KMT2E: variants seen among roughly 807,000 people sequenced by gnomAD.
The protein encoded by KMT2E is histone reader KMT2E.
A neutral mutation model predicts 184.6 loss-of-function variants in KMT2E; 30 were observed. That is an observed-to-expected ratio of 0.16 (90% CI 0.12 to 0.22). The LOEUF (loss-of-function observed/expected upper bound fraction) is 0.22. Ranked by LOEUF, KMT2E falls within the 10% of genes least tolerant of loss-of-function variation. The pLI, the probability that KMT2E is intolerant of heterozygous loss-of-function variation, is 1.00. For missense variants in KMT2E, 2,023 were observed against 2,237.4 expected (o/e 0.90, Z 1.93); for synonymous variants, 815 against 776.5 (o/e 1.05, Z -0.82).
At chr7:105,071,740 G>A (rs1797328725) in intron 6 of KMT2E, among the ~76,000 whole-genome samples, 1 of 148,308 alleles carries the variant, frequency 6.7e-6, no homozygotes, top group African/African-American at 2.5e-5. Flanking sequence ...TACAGGCGTG[G>A]GCCACCACGC....
At chr7:105,051,356 T>A (rs2129566137) in intron 3 of KMT2E, among the ~76,000 whole-genome samples, 1 of 152,102 alleles carries the variant, frequency 6.6e-6, no homozygotes, top group East Asian at 1.9e-4. Flanking sequence ...CAGCTAATTT[T>A]GTATGTTTAC....
chr7:105,024,238 C>G (rs192558990), intron 1 of KMT2E, among the ~76,000 whole-genome samples: 103 of 152,230 alleles, frequency 6.8e-4, no homozygotes, highest in Non-Finnish European at 7.8e-4. Context: ...GGATACTTAG[C>G]ATTTGGTAGG....
At position 105,076,087 on chromosome 7, in the gene KMT2E, T is replaced by A; in HGVS notation, c.768+6T>A. The A allele has an allele frequency of 6.3e-7, 1 of 1,582,736 alleles. No homozygotes were observed. Among genetic ancestry groups the A allele is most frequent in the South Asian group, 1.1e-5 (1 of 90,164 alleles). ...GGAAGTCATCAAGAGTTAAGGTAAATACATTAATTTTAAGGTGTTGTTATC... is the reference window on the plus strand; with the variant it reads ...GGAAGTCATCAAGAGTTAAGGTAAAAACATTAATTTTAAGGTGTTGTTATC... On this transcript the variant is annotated splice_donor_region_variant and intron_variant, in intron 9 of 26. Transcript: ENST00000311117.
chr7:105,112,807 C>CT lies in KMT2E; in HGVS notation c.5052dup (p.Gly1685TrpfsTer184). The CT allele has an allele frequency of 6.5e-7, 1 of 1,546,334 alleles. No individual in the cohort carries two copies. The highest frequency in any genetic ancestry group is 8.8e-7 in the Non-Finnish European group (1 of 1,135,486). ...CACTTACCCCCACCCCCACCCCCTC[C>CT]TGGTCCTGCCCCTCATCACCATCCA... On this transcript the variant is annotated frameshift_variant, in exon 27 of 27. Coordinates refer to ENST00000311117, the MANE Select transcript of KMT2E (RefSeq NM_182931.3). LOFTEE classifies it high-confidence loss of function.
At chr7:105,066,665 C>G in intron 5 of KMT2E, 62 bp from the exon 6 acceptor site, 2 of 1,300,026 alleles carry the variant, frequency 1.5e-6, no homozygotes, top group Non-Finnish European at 2.2e-6. Context: ...AATGGAATAT[C>G]AAATCTTAAT....
chr7:105,050,186 A>G (rs1035324032), intron 3 of KMT2E, among the ~76,000 whole-genome samples: 4 of 152,194 alleles, frequency 2.6e-5, no homozygotes, highest in African/African-American at 7.2e-5. Context: ...CAACACTACT[A>G]TAACCTCCTG....
At chr7:105,097,419 T>A (rs1798455091) in intron 15 of KMT2E, among the ~76,000 whole-genome samples, 1 of 152,124 alleles carries the variant, frequency 6.6e-6, no homozygotes, top group Admixed American at 6.6e-5. Context: ...GGAGTCACAC[T>A]CCGTTGCCAG....
In KMT2E at chr7:105,106,048, G is replaced by GCATA. The variant is rs751678525; in HGVS notation, c.2596+52_2596+55dup. 1.7e-5 allele frequency: 26 copies of GCATA among 1,558,390 alleles called. No individual in the cohort carries two copies. In the East Asian group the frequency reaches 4.7e-4, roughly 28 times the overall value. Reference sequence around the variant, plus strand: ...GTTTTGGTTTGAGAAATGTGGCAGGGCATACATACAGCTTTATAACAGGCA... The same window carrying GCATA: ...GTTTTGGTTTGAGAAATGTGGCAGGGCATACATACATACAGCTTTATAACAGGCA... On this transcript the variant is annotated intron_variant, in intron 19 of 26. Transcript: ENST00000311117.
chr7:105,064,963 A>G (rs1302295838), intron 5 of KMT2E, among the ~76,000 whole-genome samples: 1 of 152,162 alleles, frequency 6.6e-6, no homozygotes, highest in Non-Finnish European at 1.5e-5. Flanking sequence ...GATGGTCTAT[A>G]TATAAGATAC....
intron 3 of KMT2E, among the ~76,000 whole-genome samples, chr7:105,052,676 A>T (rs1584732194): frequency 6.6e-6 from 1 of 152,250 alleles, no homozygotes; most frequent in East Asian, 1.9e-4. Flanking sequence ...CTCCTGCCTC[A>T]GCCTCCCAAG....
chr7:105,085,152 G>T (rs192581028), intron 13 of KMT2E, among the ~76,000 whole-genome samples: 2 of 134,194 alleles, frequency 1.5e-5, no homozygotes, highest in East Asian at 5.9e-4. Context: ...AAAAATCCAT[G>T]TATAACTATA....
intron 12 of KMT2E, 124 bp downstream of exon 12, chr7:105,079,087 G>A: frequency 1.9e-6 from 1 of 531,750 alleles, no homozygotes; most frequent in Non-Finnish European, 3.4e-6. Context: ...ATTTTATACT[G>A]CCCAGCCTGT....
chr7:105,084,569 G>C (rs942057670), intron 13 of KMT2E, among the ~76,000 whole-genome samples: 2 of 151,908 alleles, frequency 1.3e-5, no homozygotes, highest in African/African-American at 2.4e-5. Context: ...GGAGGTTGCA[G>C]TGAGCCAAGA....
chr7:105,031,426 T>G (rs1240811963), intron 1 of KMT2E, among the ~76,000 whole-genome samples: 1 of 151,436 alleles, frequency 6.6e-6, no homozygotes, highest in African/African-American at 2.4e-5. Flanking sequence ...AACTTCATTT[T>G]AATCAAAAAC....
At chr7:105,070,844 CCTTTATAATTATATA>C (rs1797254836) in intron 6 of KMT2E, among the ~76,000 whole-genome samples, 1 of 151,404 alleles carries the variant, frequency 6.6e-6, no homozygotes, top group Non-Finnish European at 1.5e-5. Flanking sequence ...ATTTTATTTA[CCTTTATAATTATATA>C]CTTTATAATT....
At position 105,113,036 on chromosome 7, in the gene KMT2E, G is replaced by A. The variant is rs146529717; in HGVS notation, c.5280G>A (p.Pro1760=). Residue 1760 remains proline, a synonymous_variant, in exon 27 of 27, where the codon CCG becomes CCA. Transcript: ENST00000311117. ...FPSSAHPTVP[P]YPSQATHHTT... ...CGAGTGCTCATCCAACTGTACCACC[G>A]TATCCCTCACAAGCTACACATCATA... 1.8e-4 allele frequency: 296 copies of A among 1,613,952 alleles called. No homozygotes were observed. The highest frequency in any genetic ancestry group is 1.6e-4 in the Non-Finnish European group (189 of 1,180,002).
intron 8 of KMT2E, among the ~76,000 whole-genome samples, chr7:105,075,174 C>T (rs1447682082): frequency 1.3e-5 from 2 of 150,850 alleles, no homozygotes; most frequent in Non-Finnish European, 2.9e-5. Flanking sequence ...TTTTACATAA[C>T]GGTTCTTTGC....
intron 8 of KMT2E, among the ~76,000 whole-genome samples, chr7:105,075,524 GT>G (rs1020805041): frequency 6.6e-5 from 10 of 151,984 alleles, no homozygotes; most frequent in African/African-American, 2.4e-4. Flanking sequence ...CCCAAAACAT[GT>G]CTTATCACTT....
At chr7:105,108,030 AGTT>A in intron 22 of KMT2E, 105 bp downstream of exon 22, 1 of 603,252 alleles carries the variant, frequency 1.7e-6, no homozygotes, top group Non-Finnish European at 2.4e-6. Context: ...TTCTTAATTT[AGTT>A]ATTAAAGTTA....
Sources: allele counts gnomAD v4.1 joint callset (sites outside exome capture counted in the v4.1 genomes callset), GRCh38; gene constraint gnomAD v4.1.1; transcripts MANE v1.5; gene names NCBI Gene and HGNC (gene_info 2026-07-23, HGNC 2026-07-21).